Variants in PDE1A observed in about 807,000 individuals in gnomAD.
PDE1A encodes the protein dual specificity calcium/calmodulin-dependent 3',5'-cyclic nucleotide phosphodiesterase 1A.
Under a neutral mutation model 61.7 loss-of-function variants are expected in PDE1A, and 35 were observed. That is an observed-to-expected ratio of 0.57 (90% CI 0.43 to 0.75). The LOEUF (loss-of-function observed/expected upper bound fraction) is 0.75. PDE1A is among the 30% of genes least tolerant of loss of function. The pLI is 0.00. For missense variants in PDE1A, 597 were observed against 630.6 expected (o/e 0.95, Z 0.57); for synonymous variants, 232 against 213.2 (o/e 1.09, Z -0.77).
At chr2:182,548,223 C>T in the PDE1A span, among the ~76,000 whole-genome samples, 1 of 152,174 alleles carries the variant, frequency 6.6e-6, no homozygotes, top group African/African-American at 2.4e-5. Flanking sequence ...GAAACCTGTG[C>T]TCCAGATTCA....
intron 1 of PDE1A, among the ~76,000 whole-genome samples, chr2:182,298,181 A>T (rs1695011123): frequency 6.6e-6 from 1 of 152,170 alleles, no homozygotes; most frequent in African/African-American, 2.4e-5. Flanking sequence ...ATGGAAGAAG[A>T]TACTTACACA....
intron 1 of PDE1A, among the ~76,000 whole-genome samples, chr2:182,373,622 T>G (rs756998335): frequency 2.0e-5 from 3 of 152,116 alleles, no homozygotes; most frequent in Non-Finnish European, 4.4e-5. Context: ...ATAGAAAAAG[T>G]CACAGGTTGC....
In PDE1A at chr2:182,419,730, T is replaced by A. The variant is rs1421454644; in HGVS notation, c.53+6848A>T. ...CACCAGCTAGCAGTCTGCAGCTAGA[T>A]CCTGTTTAGTGTTTTAGTGTTTTTT... On this transcript the variant is annotated intron_variant, in intron 1 of 13. Coordinates refer to ENST00000351439, the Ensembl canonical transcript of PDE1A. Among the ~76,000 whole-genome samples, 3 of 152,302 alleles carry A rather than the reference T, an allele frequency of 2.0e-5. No homozygotes were observed. The East Asian group carries it at 5.8e-4, about 29-fold the overall frequency.
rs190262057 is a variant in PDE1A, at chr2:182,462,194, T to C, written c.101+60082A>G. On this transcript the variant is annotated intron_variant, in intron 2 of 14. Transcript: ENST00000410103. ...CGGGGAGGGAAAGCATTAGGAGATA[T>C]ACCTAATGTAAATGACGAGTTAATG... Among the ~76,000 whole-genome samples, 1,367 of 152,042 alleles carry C rather than the reference T, an allele frequency of 9.0e-3. 9 individuals are homozygous for C. Among genetic ancestry groups the C allele is most frequent in the Non-Finnish European group, 0.015 (1,006 of 67,988 alleles).
the PDE1A span, among the ~76,000 whole-genome samples, chr2:182,613,125 T>C: frequency 6.6e-6 from 1 of 152,252 alleles, no homozygotes; most frequent in Admixed American, 6.5e-5. Context: ...AGCATTTTTA[T>C]CTCTGTTATC....
intron 2 of PDE1A, among the ~76,000 whole-genome samples, chr2:182,514,738 C>T (rs1411832177): frequency 6.6e-6 from 1 of 152,070 alleles, no homozygotes; most frequent in Non-Finnish European, 1.5e-5. Context: ...TAGAAAATAC[C>T]ACTCTGGAAA....
chr2:182,264,917 T>C (rs1263094544), intron 1 of PDE1A, among the ~76,000 whole-genome samples: 1 of 86,514 alleles, frequency 1.2e-5, no homozygotes, highest in Non-Finnish European at 2.3e-5. Flanking sequence ...CATGGAATAC[T>C]ACTCAGCCAT....
intron 2 of PDE1A, among the ~76,000 whole-genome samples, chr2:182,473,336 C>A (rs951602689): frequency 6.6e-6 from 1 of 151,882 alleles, no homozygotes; most frequent in Admixed American, 6.6e-5. Context: ...TCAGAGTGAA[C>A]AGGCAACCTA....
intron 1 of PDE1A, among the ~76,000 whole-genome samples, chr2:182,377,517 T>A (rs1481217668): frequency 6.6e-6 from 1 of 152,100 alleles, no homozygotes; most frequent in African/African-American, 2.4e-5. Flanking sequence ...CAAGAACAGA[T>A]TAATACAGAC....
chr2:182,411,700 T>C (rs898590148), intron 1 of PDE1A, among the ~76,000 whole-genome samples: 1 of 152,132 alleles, frequency 6.6e-6, no homozygotes, highest in African/African-American at 2.4e-5. Flanking sequence ...GGGGACACTT[T>C]TGGTCTTTAC....
At chr2:182,343,611 G>T (rs751200221) in intron 1 of PDE1A, among the ~76,000 whole-genome samples, 2 of 152,020 alleles carry the variant, frequency 1.3e-5, no homozygotes, top group Non-Finnish European at 2.9e-5. Flanking sequence ...ATTTTATACA[G>T]GTCTATGTCT....
chr2:182,707,993 T>C, the PDE1A span, among the ~76,000 whole-genome samples: 6 of 152,158 alleles, frequency 3.9e-5, no homozygotes, highest in Admixed American at 6.5e-5. Flanking sequence ...TATTTTCAAA[T>C]AACTGGAAGA....
At chr2:182,688,684 A>G in the PDE1A span, among the ~76,000 whole-genome samples, 1 of 152,328 alleles carries the variant, frequency 6.6e-6, no homozygotes, top group East Asian at 1.9e-4. Flanking sequence ...AACAATACTA[A>G]CCTTAAATGT....
Position 182,328,488 on chromosome 2 carries a change from G to A in PDE1A, c.54-64074C>T, listed in dbSNP as rs539625567. On this transcript the variant is annotated intron_variant, in intron 1 of 13. Coordinates refer to ENST00000351439, the Ensembl canonical transcript of PDE1A. ...GAGAGAAATAAAGGTATAGTTCAGG[G>A]ACATAGTAAAAAAAAGTGGTGAGAT... 2.0e-5 allele frequency among the ~76,000 whole-genome samples: 3 copies of A among 152,084 alleles called. No individual in the cohort carries two copies. The East Asian group carries it at 5.8e-4, about 29-fold the overall frequency.
chr2:182,337,611 C>T (rs937712447), intron 1 of PDE1A, among the ~76,000 whole-genome samples: 6 of 152,086 alleles, frequency 3.9e-5, no homozygotes, highest in Non-Finnish European at 5.9e-5. Context: ...GATGCCAGAG[C>T]ACTTGGGAAG....
At chr2:182,294,328 G>T (rs1010933541) in intron 1 of PDE1A, among the ~76,000 whole-genome samples, 1 of 152,080 alleles carries the variant, frequency 6.6e-6, no homozygotes, top group African/African-American at 2.4e-5. Flanking sequence ...AATAACATTG[G>T]CTTACAGAAA....
chr2:182,624,633 G>C, the PDE1A span, among the ~76,000 whole-genome samples: 1 of 152,116 alleles, frequency 6.6e-6, no homozygotes, highest in African/African-American at 2.4e-5. Flanking sequence ...GTAAATTTCT[G>C]TCTTGAGCCA....
intron 2 of PDE1A, among the ~76,000 whole-genome samples, chr2:182,440,875 C>T (rs1276768892): frequency 1.3e-5 from 2 of 151,692 alleles, no homozygotes; most frequent in Admixed American, 6.6e-5. Flanking sequence ...TTTTAGTATG[C>T]CTAAGCACTG....
chr2:182,683,558 G>T, the PDE1A span, among the ~76,000 whole-genome samples: 2 of 152,144 alleles, frequency 1.3e-5, no homozygotes, highest in Non-Finnish European at 2.9e-5. Context: ...TATACATCCT[G>T]CAAGTGGAGA....
Sources: gnomAD v4.1 joint callset for allele counts (sites outside exome capture counted in the v4.1 genomes callset) on GRCh38, gnomAD v4.1.1 for gene constraint, MANE v1.5 for transcripts, NCBI Gene and HGNC (gene_info 2026-07-23, HGNC 2026-07-21) for gene names.